Variants in CCDC169 observed in about 807,000 individuals in gnomAD.
CCDC169 encodes the protein coiled-coil domain-containing protein 169.
CCDC169 carries 30 observed loss-of-function variants against 36.0 expected under a neutral mutation model. That is an observed-to-expected ratio of 0.83 (90% CI 0.62 to 1.13). The LOEUF is 1.13. Among genes scored for constraint, CCDC169 ranks in the 50% most tolerant of loss-of-function variants. The pLI is 0.00. For missense variants in CCDC169, 245 were observed against 245.9 expected (o/e 1.00, Z 0.03); for synonymous variants, 85 against 81.5 (o/e 1.04, Z -0.23).
intron 7 of CCDC169, among the ~76,000 whole-genome samples, chr13:36,238,473 T>A (rs893750347): frequency 7.2e-5 from 11 of 152,300 alleles, no homozygotes; most frequent in African/African-American, 9.6e-5. Context: ...AAAATTTTTT[T>A]AAATGTGCTT....
At chr13:36,285,944 A>G (rs1878203574) in intron 2 of CCDC169, among the ~76,000 whole-genome samples, 1 of 152,180 alleles carries the variant, frequency 6.6e-6, no homozygotes, top group South Asian at 2.1e-4. Context: ...CCACTTGTCC[A>G]TTATTAGTTT....
chr13:36,256,962 T>A (rs1387433916), intron 4 of CCDC169, among the ~76,000 whole-genome samples: 1 of 152,186 alleles, frequency 6.6e-6, no homozygotes, highest in Non-Finnish European at 1.5e-5. Flanking sequence ...AGGCACTGTG[T>A]GGCAGGCAGA....
chr13:36,281,936 A>G (rs780154528), intron 4 of CCDC169, among the ~76,000 whole-genome samples: 34 of 152,338 alleles, frequency 2.2e-4, no homozygotes, highest in Non-Finnish European at 4.0e-4. Context: ...ATAAAATTAT[A>G]TTAAAATGAA....
intron 1 of CCDC169, among the ~76,000 whole-genome samples, chr13:36,296,435 A>G (rs1879498379): frequency 6.6e-6 from 1 of 152,198 alleles, no homozygotes; most frequent in Non-Finnish European, 1.5e-5. Context: ...ATCCTAAAGA[A>G]GTTAGTTACC....
At chr13:36,289,682 T>C (rs1299285072) in intron 2 of CCDC169, among the ~76,000 whole-genome samples, 1 of 152,188 alleles carries the variant, frequency 6.6e-6, no homozygotes, top group Non-Finnish European at 1.5e-5. Flanking sequence ...AATTCATATG[T>C]TGTCTTCATT....
chr13:36,287,381 G>A (rs540475663), intron 2 of CCDC169, among the ~76,000 whole-genome samples: 1 of 152,232 alleles, frequency 6.6e-6, no homozygotes, highest in East Asian at 1.9e-4. Context: ...ACCTATTAGG[G>A]CAAATGAAGT....
intron 7 of CCDC169, among the ~76,000 whole-genome samples, chr13:36,247,716 T>C (rs1872674804): frequency 6.6e-6 from 1 of 152,194 alleles, no homozygotes. Context: ...GCAAAGAAAG[T>C]GGTCTCTTAG....
intron 7 of CCDC169, among the ~76,000 whole-genome samples, chr13:36,236,318 C>T (rs1473661140): frequency 1.3e-5 from 2 of 151,994 alleles, no homozygotes; most frequent in African/African-American, 2.4e-5. Flanking sequence ...ATCAATGAAA[C>T]ACAACTGGGA....
downstream of CCDC169, chr13:36,223,536 A>G (rs1869717294): frequency 6.6e-6 from 1 of 152,196 alleles, no homozygotes; most frequent in South Asian, 2.1e-4. Flanking sequence ...CCCTACTGTC[A>G]AATATATGAT....
At chr13:36,240,730 T>G (rs1871703909) in intron 7 of CCDC169, 1 of 708,494 alleles carries the variant, frequency 1.4e-6, no homozygotes, top group African/African-American at 1.9e-5. Context: ...TAGTTTTCTA[T>G]TTTTAGGAAC....
intron 2 of CCDC169, among the ~76,000 whole-genome samples, chr13:36,286,423 T>C (rs1878261672): frequency 1.3e-5 from 2 of 152,156 alleles, no homozygotes; most frequent in Admixed American, 6.5e-5. Flanking sequence ...ATTTTATGCA[T>C]TGGTTTTGTT....
chr13:36,240,448 A>G (rs1871662820), intron 7 of CCDC169: 4 of 274,068 alleles, frequency 1.5e-5, no homozygotes, highest in South Asian at 1.3e-4. Flanking sequence ...ACTTCCTAAT[A>G]TCAACAGAGT....
At chr13:36,253,654 G>T (rs9531653) in intron 6 of CCDC169, 149 bp downstream of exon 6, 413,707 of 916,166 alleles carry the variant, frequency 0.45, 96,370 homozygotes, top group Non-Finnish European at 0.48. Flanking sequence ...TTTTATACAA[G>T]TTGTATATTT....
At position 36,279,135 on chromosome 13, in the gene CCDC169, C is replaced by G. The variant is rs550614792; in HGVS notation, c.315+4334G>C. 2.6e-5 allele frequency among the ~76,000 whole-genome samples: 4 copies of G among 151,974 alleles called. No individual in the cohort carries two copies. The East Asian group carries it at 7.8e-4, about 30-fold the overall frequency. On this transcript the variant is annotated intron_variant, in intron 4 of 7. Transcript: ENST00000239859. Reference sequence around the variant, plus strand: ...AACCCACCTTCCCTTACCTAGACTACGACAAAAGCATCCTAGCTGGTTTCT... The same window carrying G: ...AACCCACCTTCCCTTACCTAGACTAGGACAAAAGCATCCTAGCTGGTTTCT...
At chr13:36,297,593 G>T (rs9547145) in intron 1 of CCDC169, 44 bp downstream of exon 1, 281,282 of 1,529,970 alleles carry the variant, frequency 0.18, 27,983 homozygotes, top group Non-Finnish European at 0.2. Context: ...TGAAGGCTCG[G>T]GGGGTGTGGA....
chr13:36,290,289 T>A (rs1215318961), intron 2 of CCDC169, among the ~76,000 whole-genome samples: 2 of 152,162 alleles, frequency 1.3e-5, no homozygotes, highest in Non-Finnish European at 2.9e-5. Flanking sequence ...TCTAAAATAA[T>A]ATAATTTATT....
intron 7 of CCDC169, among the ~76,000 whole-genome samples, chr13:36,245,472 T>A (rs548506874): frequency 7.9e-6 from 1 of 126,776 alleles, no homozygotes; most frequent in South Asian, 2.7e-4. Context: ...TCAATTTTTC[T>A]AATTTTTTGT....
intron 4 of CCDC169, among the ~76,000 whole-genome samples, chr13:36,262,326 G>A (rs546276925): frequency 6.6e-6 from 1 of 152,290 alleles, no homozygotes; most frequent in South Asian, 2.1e-4. Context: ...AACTGTACCA[G>A]CATGACTGTG....
At chr13:36,246,750 T>C (rs1170376293) in intron 7 of CCDC169, among the ~76,000 whole-genome samples, 2 of 152,204 alleles carry the variant, frequency 1.3e-5, no homozygotes, top group Non-Finnish European at 2.9e-5. Context: ...ATTTTCAATG[T>C]ACACAAAACA....
Sources: allele counts gnomAD v4.1 joint callset (sites outside exome capture counted in the v4.1 genomes callset), GRCh38; gene constraint gnomAD v4.1.1; transcripts MANE v1.5; gene names NCBI Gene and HGNC (gene_info 2026-07-23, HGNC 2026-07-21).